Variants in RASA2 observed in about 807,000 individuals in gnomAD.
RASA2 encodes the protein ras GTPase-activating protein 2.
A neutral mutation model predicts 118.2 loss-of-function variants in RASA2; 155 were observed. The ratio of observed to expected loss-of-function variants is 1.31; its 90% CI spans 1.15 to 1.50. The LOEUF (loss-of-function observed/expected upper bound fraction) is 1.50, where lower values mean the gene tolerates loss of function less well. Ranked by LOEUF, RASA2 falls within the 40% of genes most tolerant of loss-of-function variation. The pLI is 0.00. For synonymous variants in RASA2, 353 were observed against 349.1 expected, an observed-to-expected ratio of 1.01 and a Z score of -0.12; for missense variants, 1,016 against 1,009.6, an observed-to-expected ratio of 1.01 and a Z score of -0.09.
chr3:141,577,068 G>A lies in RASA2; in HGVS notation c.1552G>A (p.Val518Ile). The A allele has an allele frequency of 1.2e-6, 2 of 1,610,960 alleles. No individual in the cohort carries two copies. Among genetic ancestry groups the A allele is most frequent in the Non-Finnish European group, 1.7e-6 (2 of 1,177,998 alleles). Residue 518 changes from valine to isoleucine, a missense_variant, in exon 15 of 24, where the codon GTA becomes ATA. Around this residue, in one of 2 missense-constraint regions of RASA2, gnomAD observed 896 missense variants for 836.4 expected, o/e 1.07. Coordinates refer to ENST00000286364, the MANE Select transcript of RASA2 (RefSeq NM_006506.5). Reference protein sequence around the residue: ...VFLRFFAVAVVSPHTFHLRPH... With the variant: ...VFLRFFAVAVISPHTFHLRPH... ...TCTTCGTTTCTTTGCTGTAGCCGTA[G>A]TATCACCTCATACTTTTCATTTGCG...
intron 1 of RASA2, among the ~76,000 whole-genome samples, chr3:141,511,854 G>A (rs1018640820): frequency 6.6e-6 from 1 of 152,038 alleles, no homozygotes; most frequent in African/African-American, 2.4e-5. Context: ...GATTAATTGT[G>A]GAGTAAAGTC....
intron 1 of RASA2, among the ~76,000 whole-genome samples, chr3:141,497,898 A>C (rs982753407): frequency 6.6e-6 from 1 of 152,086 alleles, no homozygotes; most frequent in Non-Finnish European, 1.5e-5. Context: ...TAGAAATAAT[A>C]CAGCAAATTC....
chr3:141,604,414 TTTATA>T (rs1369980153), intron 19 of RASA2, among the ~76,000 whole-genome samples: 2 of 152,152 alleles, frequency 1.3e-5, no homozygotes, highest in African/African-American at 4.8e-5. Context: ...AACTTAAATG[TTTATA>T]TTAATGTCTA....
intron 7 of RASA2, among the ~76,000 whole-genome samples, chr3:141,556,349 C>A (rs552538605): frequency 4.6e-5 from 7 of 151,602 alleles, no homozygotes; most frequent in Admixed American, 3.3e-4. Flanking sequence ...AGTTTCTTAT[C>A]CTGTGAAAGA....
intron 23 of RASA2, 117 bp downstream of exon 23, chr3:141,610,183 A>G: frequency 2.4e-6 from 2 of 828,718 alleles, no homozygotes; most frequent in Non-Finnish European, 3.5e-6. Flanking sequence ...GCTCAGGGCC[A>G]TTCTCTGGTG....
In RASA2 at chr3:141,598,634, C is replaced by T. The variant is rs148580389; in HGVS notation, c.1934-9044C>T. Among the ~76,000 whole-genome samples the T allele has an allele frequency of 3.4e-3, 525 of 152,228 alleles. 4 individuals carry two copies. The highest frequency in any genetic ancestry group is 0.011 in the African/African-American group (474 of 41,548). ...TCAGAACAGCTACTTGAACAAATAA[C>T]TGAATTTAATTTAGCAAGGTCTTGG... On this transcript the variant is annotated intron_variant, in intron 19 of 23. Coordinates refer to ENST00000286364, the MANE Select transcript of RASA2 (RefSeq NM_006506.5).
chr3:141,550,894 C>G (rs1367091961), intron 5 of RASA2, among the ~76,000 whole-genome samples: 1 of 152,198 alleles, frequency 6.6e-6, no homozygotes, highest in Non-Finnish European at 1.5e-5. Context: ...TATCCAACTC[C>G]TCCCCCAAAG....
intron 1 of RASA2, among the ~76,000 whole-genome samples, chr3:141,501,972 A>C (rs938985161): frequency 6.6e-6 from 1 of 152,024 alleles, no homozygotes; most frequent in Non-Finnish European, 1.5e-5. Context: ...TTACTGGTTG[A>C]GCATTCCAAA....
intron 19 of RASA2, among the ~76,000 whole-genome samples, chr3:141,587,774 CAAG>C (rs1453028837): frequency 6.7e-6 from 1 of 150,344 alleles, no homozygotes; most frequent in Non-Finnish European, 1.5e-5. Flanking sequence ...GATATTTTAG[CAAG>C]AAGAATTTAG....
chr3:141,531,224 A>G (rs1313426697), intron 4 of RASA2, among the ~76,000 whole-genome samples: 1 of 151,988 alleles, frequency 6.6e-6, no homozygotes, highest in East Asian at 1.9e-4. Context: ...GAAAATTTAA[A>G]CTGAAATTTT....
chr3:141,512,093 C>A, intron 1 of RASA2, 70 bp from the exon 2 acceptor site: 2 of 962,864 alleles, frequency 2.1e-6, no homozygotes, highest in South Asian at 1.4e-5. Context: ...AGATTGAAGT[C>A]ATCCTATATA....
At chr3:141,499,217 T>C (rs2081744226) in intron 1 of RASA2, among the ~76,000 whole-genome samples, 1 of 152,222 alleles carries the variant, frequency 6.6e-6, no homozygotes, top group Non-Finnish European at 1.5e-5. Context: ...TTATGTTCTG[T>C]AGACTTTATC....
Position 141,608,511 on chromosome 3 carries a change from A to G in RASA2, c.2039A>G (p.Glu680Gly), listed in dbSNP as rs2083584192. 1 of 1,613,876 alleles carries G rather than the reference A, an allele frequency of 6.2e-7. No homozygotes were observed. Among genetic ancestry groups the G allele is most frequent in the African/African-American group, 1.3e-5 (1 of 75,042 alleles). ...AAGATGTTCCAAGTAATACATACGGAGAAACCACTCTATGTCCAGGCAAAT... is the reference window on the plus strand; with the variant it reads ...AAGATGTTCCAAGTAATACATACGGGGAAACCACTCTATGTCCAGGCAAAT... ...KKNMFQVIHTEKPLYVQANNC... is the reference protein window; with the variant it reads ...KKNMFQVIHTGKPLYVQANNC... Residue 680 changes from glutamate to glycine, a missense_variant, in exon 21 of 24, where the codon GAG (glutamate) becomes GGG (glycine). Transcript: ENST00000286364.
intron 3 of RASA2, among the ~76,000 whole-genome samples, chr3:141,523,509 A>T (rs2082143085): frequency 6.6e-6 from 1 of 152,246 alleles, no homozygotes; most frequent in Non-Finnish European, 1.5e-5. Flanking sequence ...AGGCATCTTT[A>T]TATGCTAGGA....
At chr3:141,534,228 G>A (rs780171413) in intron 4 of RASA2, among the ~76,000 whole-genome samples, 3 of 152,108 alleles carry the variant, frequency 2.0e-5, no homozygotes, top group Admixed American at 2.0e-4. Flanking sequence ...GTGATAAAAA[G>A]CATACTTTAC....
chr3:141,487,958 C>T (rs9819371), intron 1 of RASA2, among the ~76,000 whole-genome samples: 7,285 of 152,226 alleles, frequency 0.048, 251 homozygotes, highest in South Asian at 0.096. Flanking sequence ...GTGAGCAGGT[C>T]TCAAAACACA....
At chr3:141,610,204 T>G (rs926318290) in intron 23 of RASA2, 138 bp downstream of exon 23, 2 of 609,404 alleles carry the variant, frequency 3.3e-6, no homozygotes, top group Admixed American at 8.2e-5. Flanking sequence ...CAAGTTTCCC[T>G]GGCCACTCCA....
At chr3:141,537,958 C>T (rs1465250119) in intron 4 of RASA2, among the ~76,000 whole-genome samples, 1 of 152,052 alleles carries the variant, frequency 6.6e-6, no homozygotes, top group East Asian at 1.9e-4. Context: ...TATATTTCCT[C>T]TAGAGAAGAA....
intron 19 of RASA2, among the ~76,000 whole-genome samples, chr3:141,594,474 G>T (rs566884684): frequency 6.6e-6 from 1 of 151,912 alleles, no homozygotes; most frequent in Non-Finnish European, 1.5e-5. Flanking sequence ...AAAGGAAACC[G>T]CACTTAGACA....
Sources: gnomAD v4.1 joint callset for allele counts (sites outside exome capture counted in the v4.1 genomes callset) on GRCh38, gnomAD v4.1.1 for gene constraint, gnomAD v4.1.1 regional missense constraint, MANE v1.5 for transcripts, NCBI Gene and HGNC (gene_info 2026-07-23, HGNC 2026-07-21) for gene names.